The following SKAP1 variants were observed in gnomAD, a reference collection of about 807,000 sequenced individuals.
SKAP1 encodes the protein src kinase associated phosphoprotein 1, also known as src kinase-associated phosphoprotein 1.
A neutral mutation model predicts 58.5 loss-of-function variants in SKAP1; 44 were observed. The ratio of observed to expected loss-of-function variants is 0.75; its 90% CI spans 0.59 to 0.97. The LOEUF (loss-of-function observed/expected upper bound fraction) is 0.97, where lower values mean the gene tolerates loss of function less well. SKAP1 is among the 50% of genes least tolerant of loss of function. The probability of loss-of-function intolerance (pLI) is 0.00; values close to 1 mark genes in which losing one functional copy is unlikely to be tolerated. For missense variants in SKAP1, 390 were observed against 435.2 expected, an observed-to-expected ratio of 0.90 and a Z score of 0.92; for synonymous variants, 127 against 149.7, an observed-to-expected ratio of 0.85 and a Z score of 1.11.
chr17:48,301,058 A>G (rs2066050178), intron 4 of SKAP1, among the ~76,000 whole-genome samples: 1 of 152,152 alleles, frequency 6.6e-6, no homozygotes, highest in South Asian at 2.1e-4. Context: ...CATATGCTGG[A>G]AAATCAGCTC....
At chr17:48,137,186 T>C in intron 12 of SKAP1, 43 bp downstream of exon 12, 1 of 1,238,790 alleles carries the variant, frequency 8.1e-7, no homozygotes, top group Non-Finnish European at 1.2e-6. Flanking sequence ...GCCCACAAGT[T>C]CCACTCAACT....
intron 4 of SKAP1, among the ~76,000 whole-genome samples, chr17:48,340,445 G>A (rs2066636253): frequency 6.6e-6 from 1 of 151,994 alleles, no homozygotes; most frequent in East Asian, 1.9e-4. Flanking sequence ...GAAAATCTAG[G>A]AATATAAAAG....
chr17:48,396,181 T>TA (rs1365378353), intron 2 of SKAP1, among the ~76,000 whole-genome samples: 2 of 152,208 alleles, frequency 1.3e-5, no homozygotes, highest in African/African-American at 4.8e-5. Context: ...CTCTTATTTT[T>TA]AAAAAATGAC....
chr17:48,234,535 A>G (rs1341343411), intron 4 of SKAP1, among the ~76,000 whole-genome samples: 1 of 152,216 alleles, frequency 6.6e-6, no homozygotes, highest in Non-Finnish European at 1.5e-5. Context: ...AGCCCCAGAT[A>G]TCATCAGAAA....
chr17:48,329,227 C>T (rs1317269603), intron 4 of SKAP1, among the ~76,000 whole-genome samples: 1 of 150,926 alleles, frequency 6.6e-6, no homozygotes, highest in African/African-American at 2.4e-5. Flanking sequence ...AATTAGATGC[C>T]CTTTGTCTTT....
At chr17:48,431,574 G>T (rs1365151505), upstream of SKAP1, among the ~76,000 whole-genome samples, 1 of 152,242 alleles carries the variant, frequency 6.6e-6, no homozygotes. Flanking sequence ...TTGAAAGTCA[G>T]AATAGGAATG....
chr17:48,313,836 C>CT (rs2066255928), intron 4 of SKAP1, among the ~76,000 whole-genome samples: 1 of 151,878 alleles, frequency 6.6e-6, no homozygotes, highest in Admixed American at 6.6e-5. Flanking sequence ...GGGCTCTGTA[C>CT]TTTTTAAAGG....
rs71141985 is a variant in SKAP1 at position 48,371,654 on chromosome 17, C to CAA, written c.153-7842_153-7841dup. 1.0e-2 allele frequency among the ~76,000 whole-genome samples: 379 copies of CAA among 37,914 alleles called. 90 individuals are homozygous for CAA. The highest frequency in any genetic ancestry group is 0.033 in the African/African-American group (247 of 7,452). 24.9% of individuals were successfully genotyped at this position (37,914 alleles called of 152,430 possible). ...GTAACATGGTGAAACCTTGTCTCCA[C>CAA]AAAAAAAAAAAAAAAAAAAAAAAAA... On this transcript the variant is annotated intron_variant, in intron 2 of 12. Transcript: ENST00000336915.
In SKAP1 at chr17:48,370,669, AT is replaced by A. The variant is rs1197447358; in HGVS notation, c.153-6856del. On this transcript the variant is annotated intron_variant, in intron 2 of 12. Coordinates refer to ENST00000336915, the MANE Select transcript of SKAP1 (RefSeq NM_003726.4). ...CTGTGGAGAAAAGGAACACTTATACATTGTTGGTGGGAATGTAAATTAGTTT... is the reference window on the plus strand; with the variant it reads ...CTGTGGAGAAAAGGAACACTTATACATGTTGGTGGGAATGTAAATTAGTTT... 2.0e-5 allele frequency among the ~76,000 whole-genome samples: 3 copies of A among 152,296 alleles called. No individual in the cohort carries two copies. The South Asian group carries it at 6.2e-4, about 32-fold the overall frequency.
chr17:48,319,530 T>C (rs2066332975), intron 4 of SKAP1, among the ~76,000 whole-genome samples: 1 of 152,188 alleles, frequency 6.6e-6, no homozygotes, highest in Admixed American at 6.5e-5. Flanking sequence ...TGTTGCTCCA[T>C]AGCTTGACTG....
At chr17:48,239,850 CAGAGAGAGAG>C (rs71141976) in intron 4 of SKAP1, among the ~76,000 whole-genome samples, 4 of 129,774 alleles carry the variant, frequency 3.1e-5, no homozygotes, top group African/African-American at 1.2e-4. Context: ...GAGAGAGAGA[CAGAGAGAGAG>C]AGAGAGAGAG....
chr17:48,344,327 G>A (rs540503044), intron 4 of SKAP1: 209 of 376,956 alleles, frequency 5.5e-4, no homozygotes, highest in Non-Finnish European at 6.9e-4. Flanking sequence ...TGTGGGCTGA[G>A]AAACCAAAAC....
chr17:48,297,838 C>T (rs1323030423), intron 4 of SKAP1, among the ~76,000 whole-genome samples: 1 of 152,190 alleles, frequency 6.6e-6, no homozygotes, highest in East Asian at 1.9e-4. Flanking sequence ...AAAAACAGGG[C>T]TGGCTTCAGA....
chr17:48,204,989 C>CTTTCTTTCTTTCTTTCTTTCTTTCTTTG (rs2064782903), intron 4 of SKAP1, among the ~76,000 whole-genome samples: 4 of 55,834 alleles, frequency 7.2e-5, no homozygotes, highest in Admixed American at 2.0e-4. Flanking sequence ...TTCTTTCTTT[C>CTTTCTTTCTTTCTTTCTTTCTTTCTTTG]TTTCTTTCTT....
intron 4 of SKAP1, chr17:48,308,461 T>C (rs762601836): frequency 7.2e-5 from 11 of 152,188 alleles, no homozygotes; most frequent in Non-Finnish European, 1.2e-4. Flanking sequence ...TTCTTAGAAG[T>C]CCCACATCAT....
At chr17:48,211,335 A>G (rs1230485683) in intron 4 of SKAP1, among the ~76,000 whole-genome samples, 2 of 152,122 alleles carry the variant, frequency 1.3e-5, no homozygotes, top group African/African-American at 4.8e-5. Context: ...AATTCATTTC[A>G]GGAGTGGGAG....
intron 4 of SKAP1, among the ~76,000 whole-genome samples, chr17:48,318,671 G>A (rs761336154): frequency 3.3e-5 from 5 of 152,192 alleles, no homozygotes; most frequent in Non-Finnish European, 7.3e-5. Context: ...TTCAAGACCA[G>A]CCTGGGCAAC....
chr17:48,343,104 C>T (rs2066678223), intron 4 of SKAP1, among the ~76,000 whole-genome samples: 1 of 152,000 alleles, frequency 6.6e-6, no homozygotes, highest in South Asian at 2.1e-4. Flanking sequence ...ATAGTTTTCC[C>T]AGTGAGATGG....
intron 2 of SKAP1, among the ~76,000 whole-genome samples, chr17:48,375,914 CAAGAG>C (rs1304391795): frequency 6.6e-6 from 1 of 151,970 alleles, no homozygotes; most frequent in Admixed American, 6.6e-5. Context: ...TACTTGAGAG[CAAGAG>C]AAAAGACAAG....
Sources: gnomAD v4.1 joint callset for allele counts (sites outside exome capture counted in the v4.1 genomes callset) on GRCh38, gnomAD v4.1.1 for gene constraint, MANE v1.5 for transcripts, NCBI Gene and HGNC (gene_info 2026-07-23, HGNC 2026-07-21) for gene names.